The following SORL1 variants were observed in gnomAD, a reference collection of about 807,000 sequenced individuals.
SORL1 encodes sortilin related receptor 1.
Under a neutral mutation model 273.7 loss-of-function variants are expected in SORL1, and 127 were observed. That is an observed-to-expected ratio of 0.46 (90% CI 0.40 to 0.54). The LOEUF (loss-of-function observed/expected upper bound fraction) is 0.54. SORL1 is among the 20% of genes least tolerant of loss of function. The probability of loss-of-function intolerance (pLI) is 0.00; values close to 1 mark genes in which losing one functional copy is unlikely to be tolerated. For missense variants in SORL1, 2,494 were observed against 2,846.1 expected, an observed-to-expected ratio of 0.88 and a Z score of 2.81; for synonymous variants, 1,031 against 1,067.4, an observed-to-expected ratio of 0.97 and a Z score of 0.66.
intron 25 of SORL1, among the ~76,000 whole-genome samples, chr11:121,582,266 G>A (rs1863024431): frequency 6.6e-6 from 1 of 152,210 alleles, no homozygotes; most frequent in African/African-American, 2.4e-5. Context: ...AATTTTCCCA[G>A]TCCTTGGGCA....
chr11:121,468,696 C>T (rs1261349327), intron 1 of SORL1, among the ~76,000 whole-genome samples: 1 of 152,160 alleles, frequency 6.6e-6, no homozygotes, highest in Non-Finnish European at 1.5e-5. Flanking sequence ...GCTGGGATTA[C>T]AGTCGTGGGC....
chr11:121,589,183 C>T, intron 28 of SORL1, 76 bp from the exon 29 acceptor site: 1 of 1,554,246 alleles, frequency 6.4e-7, no homozygotes, highest in South Asian at 1.1e-5. Context: ...TTCCCCCTTG[C>T]TTCTGGGCAC....
rs145498119 is a variant in SORL1, at chr11:121,550,042, C to T, written c.2134C>T (p.Pro712Ser). 3.1e-6 allele frequency: 5 copies of T among 1,613,688 alleles called. No homozygotes were observed. The highest frequency in any genetic ancestry group is 4.2e-6 in the Non-Finnish European group (5 of 1,179,724). ...GGAATTTTCTGGAAAGTCATACTCCCCTCCTGTGCCTTGCCCTGTGGGTTC... is the reference window on the plus strand; with the variant it reads ...GGAATTTTCTGGAAAGTCATACTCCTCTCCTGTGCCTTGCCCTGTGGGTTC... ...DPEFSGKSYS[P>S]PVPCPVGSTY... Residue 712 changes from proline (P) to serine (S), a missense_variant, in exon 15 of 48, where the codon CCT becomes TCT. Physicochemically the swap from Pro to Ser is moderately conservative, Grantham distance 74. This residue lies in a region of SORL1 where 710 missense variants were observed against 882.5 expected (regional missense o/e 0.80). Transcript: ENST00000260197. The surrounding 1 kb of genome is among the most constrained non-coding windows in gnomAD (Gnocchi z 5.3).
chr11:121,540,980 A>G (rs1216365789), intron 12 of SORL1, among the ~76,000 whole-genome samples: 1 of 152,252 alleles, frequency 6.6e-6, no homozygotes, highest in Non-Finnish European at 1.5e-5. Context: ...AAAGTAATAT[A>G]AACCTTTAGC....
At chr11:121,543,927 T>C (rs913542425) in intron 13 of SORL1, among the ~76,000 whole-genome samples, 4 of 152,234 alleles carry the variant, frequency 2.6e-5, no homozygotes, top group Admixed American at 2.6e-4. Context: ...TGCTATTCTT[T>C]GTATCTTAGT....
chr11:121,473,801 A>T (rs1861213428), intron 2 of SORL1, among the ~76,000 whole-genome samples: 1 of 152,220 alleles, frequency 6.6e-6, no homozygotes, highest in Non-Finnish European at 1.5e-5. Context: ...AGGCCAAGGC[A>T]GGAGAATCAC....
At chr11:121,532,677 A>T in intron 12 of SORL1, 125 bp downstream of exon 12, 5 of 746,368 alleles carry the variant, frequency 6.7e-6, no homozygotes, top group African/African-American at 1.8e-5. Flanking sequence ...ATCTCTGGAT[A>T]TGAGTTAAAC....
At chr11:121,490,156 C>A (rs1861530867) in intron 5 of SORL1, 46 bp downstream of exon 5, 1 of 1,350,300 alleles carries the variant, frequency 7.4e-7, no homozygotes, top group Non-Finnish European at 1.1e-6. Context: ...AACCTCCTTT[C>A]TCCAGTTCTA....
At chr11:121,590,557 A>T in intron 30 of SORL1, 1 of 550,772 alleles carries the variant, frequency 1.8e-6, no homozygotes, top group Non-Finnish European at 3.2e-6. Flanking sequence ...TCCACAATGC[A>T]TTTGAGGAGC....
At chr11:121,500,372 A>G (rs1565316395) in intron 6 of SORL1, among the ~76,000 whole-genome samples, 1 of 152,186 alleles carries the variant, frequency 6.6e-6, no homozygotes, top group Non-Finnish European at 1.5e-5. Context: ...GTGGACTTGA[A>G]GTCTCTTCTG....
chr11:121,460,796 G>C (rs1438052752), intron 1 of SORL1, among the ~76,000 whole-genome samples: 2 of 152,156 alleles, frequency 1.3e-5, no homozygotes, highest in Non-Finnish European at 2.9e-5. Flanking sequence ...GTGGAGAAAG[G>C]CTAGCTTGGG....
chr11:121,600,152 C>G (rs1863365161), intron 32 of SORL1, among the ~76,000 whole-genome samples: 1 of 152,162 alleles, frequency 6.6e-6, no homozygotes, highest in Non-Finnish European at 1.5e-5. Context: ...TTTTAATGTG[C>G]TATTCATTAT....
intron 2 of SORL1, among the ~76,000 whole-genome samples, chr11:121,476,878 A>C (rs1223421549): frequency 6.6e-6 from 1 of 151,184 alleles, no homozygotes; most frequent in African/African-American, 2.4e-5. Context: ...TGCAGCCGGA[A>C]ACTCCTGGGC....
rs1205681129 is a variant in SORL1, at chr11:121,563,824, A to G, written c.3050-3116A>G. The stretch of plus-strand genomic sequence containing the variant: ...CCTGCGATGGCTCTTGGAGCTTTGG[A>G]ATTCTTTTGCAGTTTTGGAATTCTC... On this transcript the variant is annotated intron_variant, in intron 21 of 47. Transcript: ENST00000260197. The surrounding 1 kb of genome is among the most constrained non-coding windows in gnomAD (Gnocchi z 4.2). Among the ~76,000 whole-genome samples the G allele has an allele frequency of 6.6e-6, 1 of 152,124 alleles. No individual in the cohort carries two copies. Among genetic ancestry groups the G allele is most frequent in the Non-Finnish European group, 1.5e-5 (1 of 68,018 alleles).
intron 25 of SORL1, among the ~76,000 whole-genome samples, chr11:121,581,672 C>T (rs1863017783): frequency 6.6e-6 from 1 of 152,178 alleles, no homozygotes; most frequent in African/African-American, 2.4e-5. Flanking sequence ...CATACCTGGC[C>T]ACTTGAATGC....
intron 5 of SORL1, among the ~76,000 whole-genome samples, chr11:121,490,978 G>A (rs186082902): frequency 7.2e-4 from 109 of 152,248 alleles, no homozygotes; most frequent in Admixed American, 1.5e-3. Context: ...CAGATGGGAG[G>A]ATCATAAACA....
chr11:121,486,737 C>T (rs2134808765), intron 3 of SORL1, among the ~76,000 whole-genome samples: 1 of 152,182 alleles, frequency 6.6e-6, no homozygotes, highest in East Asian at 1.9e-4. Flanking sequence ...CCTCAGCCTC[C>T]CAAAGTGCTG....
chr11:121,609,011 A>G (rs1863520655), intron 38 of SORL1: 1 of 152,216 alleles, frequency 6.6e-6, no homozygotes, highest in African/African-American at 2.4e-5. Flanking sequence ...TAAGGAAATA[A>G]TTGATGATTG....
intron 36 of SORL1, 79 bp from the exon 37 acceptor site, chr11:121,607,107 C>T (rs3737529): frequency 0.033 from 35,861 of 1,070,826 alleles, 1,633 homozygotes; most frequent in East Asian, 0.24. Flanking sequence ...CTTTTCTCTC[C>T]TCCAGCCTCC....
Sources: allele counts gnomAD v4.1 joint callset (sites outside exome capture counted in the v4.1 genomes callset), GRCh38; gene constraint gnomAD v4.1.1; regional missense constraint gnomAD v4.1.1; non-coding constraint Gnocchi (gnomAD v3.1); transcripts MANE v1.5; gene names NCBI Gene and HGNC (gene_info 2026-07-23, HGNC 2026-07-21).